The following DYM variants were observed in gnomAD, a reference collection of about 807,000 sequenced individuals.
DYM encodes the protein dyggve-Melchior-Clausen syndrome protein.
In DYM, 78 loss-of-function variants were observed where a neutral mutation model predicts 93.1. The ratio of observed to expected loss-of-function variants is 0.84; its 90% CI spans 0.70 to 1.01. The LOEUF (loss-of-function observed/expected upper bound fraction) is 1.01. Ranked by LOEUF, DYM falls within the 50% of genes least tolerant of loss-of-function variation. The probability of loss-of-function intolerance (pLI) is 0.00; values close to 1 mark genes in which losing one functional copy is unlikely to be tolerated. For synonymous variants in DYM, 321 were observed against 319.7 expected, an observed-to-expected ratio of 1.00 and a Z score of -0.04; for missense variants, 789 against 845.0, an observed-to-expected ratio of 0.93 and a Z score of 0.82.
At chr18:49,215,824 G>A (rs7241913) in intron 13 of DYM, among the ~76,000 whole-genome samples, 3,338 of 152,284 alleles carry the variant, frequency 0.022, 112 homozygotes, top group African/African-American at 0.069. Context: ...AGTAAGCAAT[G>A]CAGAAGACGG....
At chr18:49,070,781 A>G (rs2076820633) in intron 17 of DYM, among the ~76,000 whole-genome samples, 1 of 152,216 alleles carries the variant, frequency 6.6e-6, no homozygotes, top group African/African-American at 2.4e-5. Flanking sequence ...CTCTATTGCA[A>G]ATAGTAGCTT....
chr18:49,435,423 T>TAAAAAAAAA (rs58887917), intron 1 of DYM, among the ~76,000 whole-genome samples: 3 of 124,756 alleles, frequency 2.4e-5, no homozygotes, highest in Non-Finnish European at 3.4e-5. Flanking sequence ...ACTAAAACAG[T>TAAAAAAAAA]AAAAAAAAAA....
intron 15 of DYM, among the ~76,000 whole-genome samples, chr18:49,155,442 T>C (rs112687609): frequency 2.8e-4 from 43 of 152,332 alleles, no homozygotes; most frequent in African/African-American, 8.7e-4. Context: ...TGAATGGTTT[T>C]TGGTATATTC....
intron 14 of DYM, among the ~76,000 whole-genome samples, chr18:49,189,705 T>C (rs1022817974): frequency 6.6e-6 from 1 of 152,112 alleles, no homozygotes; most frequent in African/African-American, 2.4e-5. Context: ...AAATTATTAC[T>C]GTATATAGAG....
intron 13 of DYM, among the ~76,000 whole-genome samples, chr18:49,233,035 G>C (rs2093754129): frequency 6.6e-6 from 1 of 152,100 alleles, no homozygotes; most frequent in African/African-American, 2.4e-5. Context: ...CAAACTGTGG[G>C]GGTGTCTAGC....
intron 2 of DYM, among the ~76,000 whole-genome samples, chr18:49,402,073 A>G (rs2070916765): frequency 2.0e-5 from 3 of 152,034 alleles, no homozygotes; most frequent in Non-Finnish European, 4.4e-5. Flanking sequence ...CTATAGAGGA[A>G]GCTCTTAAAC....
In DYM at chr18:49,044,091, T is replaced by G. The variant is rs1433100163; in HGVS notation, c.2139A>C (p.Pro713=). 4 of 1,613,962 alleles carry G rather than the reference T, an allele frequency of 2.5e-6. No individual in the cohort carries two copies. Among genetic ancestry groups the G allele is most frequent in the Non-Finnish European group, 3.4e-6 (4 of 1,180,024 alleles). Residue 713 remains proline (P), a synonymous_variant, in exon 18 of 18, where the codon CCA becomes CCC. Transcript: ENST00000675505. ...CCATGGTGAACAGCTGGATGTCCTG[T>G]GGATTCCAGTACAGGCCGACTGCTG... ...YNSAVGLYWN[P]QDIQLFTMDS...
chr18:49,417,062 A>T (rs766615409), intron 2 of DYM, among the ~76,000 whole-genome samples: 2 of 152,188 alleles, frequency 1.3e-5, no homozygotes, highest in Non-Finnish European at 2.9e-5. Flanking sequence ...ACAAACTGGA[A>T]GCATTACTAG....
At chr18:49,424,557 C>A (rs888639196) in intron 2 of DYM, among the ~76,000 whole-genome samples, 2 of 151,752 alleles carry the variant, frequency 1.3e-5, no homozygotes, top group African/African-American at 4.8e-5. Flanking sequence ...GGCAATCAAG[C>A]AGAAGAAAGA....
intron 3 of DYM, among the ~76,000 whole-genome samples, chr18:49,385,433 A>G (rs2068507458): frequency 1.3e-5 from 2 of 152,160 alleles, no homozygotes; most frequent in African/African-American, 2.4e-5. Context: ...CAGTGGCTCA[A>G]GCCTGTAATC....
intron 2 of DYM, among the ~76,000 whole-genome samples, chr18:49,404,882 G>A (rs1296366536): frequency 2.0e-5 from 3 of 151,866 alleles, no homozygotes; most frequent in East Asian, 1.9e-4. Flanking sequence ...GCATGGTGGT[G>A]GGCACCTGTA....
intron 13 of DYM, among the ~76,000 whole-genome samples, chr18:49,214,682 G>T (rs572298124): frequency 6.6e-6 from 1 of 152,118 alleles, no homozygotes; most frequent in Non-Finnish European, 1.5e-5. Context: ...TATGATATTT[G>T]ACATGAGAAA....
intron 8 of DYM, among the ~76,000 whole-genome samples, chr18:49,292,312 A>ACAGACAGGCAGGCAGG (rs1491459614): frequency 0.068 from 7,535 of 110,368 alleles, 684 homozygotes; most frequent in East Asian, 0.3. Context: ...AGACAGACAG[A>ACAGACAGGCAGGCAGG]CAGGCAGGCA....
chr18:49,160,474 T>C (rs551839221), intron 15 of DYM, among the ~76,000 whole-genome samples: 9 of 151,590 alleles, frequency 5.9e-5, no homozygotes, highest in Non-Finnish European at 1.3e-4. Context: ...TGTACTACAG[T>C]GAGAAGAAAA....
At chr18:49,177,125 T>C (rs1245153810) in intron 14 of DYM, among the ~76,000 whole-genome samples, 1 of 152,134 alleles carries the variant, frequency 6.6e-6, no homozygotes, top group African/African-American at 2.4e-5. Context: ...ATGGGAATAA[T>C]TGGGATCGAA....
intron 16 of DYM, among the ~76,000 whole-genome samples, chr18:49,112,135 C>CTCTCCGCACCCCCCTCT (rs2081474489): frequency 6.6e-6 from 1 of 151,244 alleles, no homozygotes; most frequent in Admixed American, 6.6e-5. Flanking sequence ...CACCCCCCTC[C>CTCTCCGCACCCCCCTCT]CCTCCGCACC....
chr18:49,053,612 G>C (rs2075220325), intron 17 of DYM, among the ~76,000 whole-genome samples: 1 of 152,202 alleles, frequency 6.6e-6, no homozygotes, highest in South Asian at 2.1e-4. Context: ...TGCAGGGCTT[G>C]TGGTGGGCAG....
intron 17 of DYM, among the ~76,000 whole-genome samples, chr18:49,096,708 C>T (rs1273141050): frequency 6.6e-6 from 1 of 152,188 alleles, no homozygotes; most frequent in Non-Finnish European, 1.5e-5. Flanking sequence ...GAGACTGCTT[C>T]AGGAATACAT....
At chr18:49,161,487 C>T (rs2087122878) in intron 15 of DYM, among the ~76,000 whole-genome samples, 1 of 152,050 alleles carries the variant, frequency 6.6e-6, no homozygotes, top group Non-Finnish European at 1.5e-5. Flanking sequence ...TTATAAATAA[C>T]AAAACATTTG....
Sources: gnomAD v4.1 joint callset for allele counts (sites outside exome capture counted in the v4.1 genomes callset) on GRCh38, gnomAD v4.1.1 for gene constraint, MANE v1.5 for transcripts, NCBI Gene and HGNC (gene_info 2026-07-23, HGNC 2026-07-21) for gene names.